ZNF362: variants seen among roughly 807,000 people sequenced by gnomAD.
ZNF362 encodes the protein zinc finger protein 362.
Under a neutral mutation model 42.9 loss-of-function variants are expected in ZNF362, and 11 were observed. The observed-to-expected ratio is 0.26, with a 90% confidence interval of 0.16 to 0.42. The LOEUF is 0.42. ZNF362 is among the 20% of genes least tolerant of loss of function. ZNF362 has a pLI of 1.00. For synonymous variants in ZNF362, 255 were observed against 257.3 expected (o/e 0.99, Z 0.09); for missense variants, 362 against 576.2 (o/e 0.63, Z 3.81).
chr1:33,179,252 G>A, the ZNF362 span, among the ~76,000 whole-genome samples: 1 of 152,260 alleles, frequency 6.6e-6, no homozygotes, highest in Admixed American at 6.5e-5. Context: ...CAGAGGCCCA[G>A]GCCCTTGCTC....
chr1:33,275,438 CGTT>C, intron 2 of ZNF362: 1 of 966,882 alleles, frequency 1.0e-6, no homozygotes, highest in Non-Finnish European at 1.2e-6. Flanking sequence ...TCATCCACGT[CGTT>C]GTAGGTCAGA....
At chr1:33,206,587 C>G in the ZNF362 span, among the ~76,000 whole-genome samples, 22 of 151,942 alleles carry the variant, frequency 1.4e-4, no homozygotes, top group South Asian at 4.6e-3. Flanking sequence ...TCTAGCCTGG[C>G]CAACACAGTG....
At chr1:33,196,971 C>G in the ZNF362 span, among the ~76,000 whole-genome samples, 1 of 152,190 alleles carries the variant, frequency 6.6e-6, no homozygotes, top group South Asian at 2.1e-4. Context: ...AGAGGAAGAC[C>G]CACCCTCAAT....
At chr1:33,190,322 C>T in the ZNF362 span, among the ~76,000 whole-genome samples, 1 of 152,314 alleles carries the variant, frequency 6.6e-6, no homozygotes, top group Non-Finnish European at 1.5e-5. Flanking sequence ...TCTGACTTTG[C>T]TGCCCATTAT....
intron 1 of ZNF362, among the ~76,000 whole-genome samples, chr1:33,265,652 T>TGGGAGCG (rs1645860328): frequency 6.6e-6 from 1 of 151,968 alleles, no homozygotes; most frequent in African/African-American, 2.4e-5. Flanking sequence ...GAGGCAAACT[T>TGGGAGCG]TGAGCGTGTC....
At chr1:33,225,567 C>T in the ZNF362 span, among the ~76,000 whole-genome samples, 7 of 152,132 alleles carry the variant, frequency 4.6e-5, no homozygotes, top group South Asian at 1.5e-3. Flanking sequence ...CTCCCTGTGT[C>T]TTTTATTGTA....
At chr1:33,246,465 C>T in the ZNF362 span, among the ~76,000 whole-genome samples, 1 of 152,216 alleles carries the variant, frequency 6.6e-6, no homozygotes, top group Non-Finnish European at 1.5e-5. Flanking sequence ...TCGATGTTCA[C>T]TCAGGCCATG....
the ZNF362 span, among the ~76,000 whole-genome samples, chr1:33,226,697 G>A: frequency 6.6e-6 from 1 of 152,048 alleles, no homozygotes; most frequent in African/African-American, 2.4e-5. Flanking sequence ...AAATCCCATC[G>A]CTACTAAAAA....
chr1:33,168,370 T>C, the ZNF362 span, among the ~76,000 whole-genome samples: 1 of 145,996 alleles, frequency 6.8e-6, no homozygotes, highest in Non-Finnish European at 1.5e-5. Context: ...GCTAGGAAGC[T>C]GGCTGTCTGA....
chr1:33,221,134 C>G, the ZNF362 span, among the ~76,000 whole-genome samples: 1 of 152,170 alleles, frequency 6.6e-6, no homozygotes, highest in Admixed American at 6.5e-5. Context: ...GAGGGCAAGA[C>G]CCGGTGTTTC....
chr1:33,181,713 G>T, the ZNF362 span: 1 of 487,562 alleles, frequency 2.1e-6, no homozygotes, highest in Non-Finnish European at 3.6e-6. The surrounding 1 kb of genome is among the most constrained non-coding windows in gnomAD (Gnocchi z 6.5). Context: ...AGCGGCTGAG[G>T]GACGGAGATC....
chr1:33,157,775 G>A, the ZNF362 span, among the ~76,000 whole-genome samples: 2,479 of 149,914 alleles, frequency 0.017, 26 homozygotes, highest in African/African-American at 0.033. Flanking sequence ...CTTTTTTTCC[G>A]AGATGGAGTC....
chr1:33,216,505 C>CA, the ZNF362 span, among the ~76,000 whole-genome samples: 3,173 of 126,224 alleles, frequency 0.025, 57 homozygotes, highest in Non-Finnish European at 0.039. Flanking sequence ...GAGGCTGAGA[C>CA]AGGAGAATCC....
At chr1:33,161,167 A>G in the ZNF362 span, among the ~76,000 whole-genome samples, 2 of 152,244 alleles carry the variant, frequency 1.3e-5, no homozygotes, top group Non-Finnish European at 2.9e-5. This position sits in a 1 kb window ranked among gnomAD's most constrained non-coding sequence, Gnocchi z 4.3. Context: ...AGGCGCAGAG[A>G]AAGAGCCTGG....
the ZNF362 span, among the ~76,000 whole-genome samples, chr1:33,129,800 A>C: frequency 6.6e-6 from 1 of 152,192 alleles, no homozygotes. The surrounding 1 kb of genome is among the most constrained non-coding windows in gnomAD (Gnocchi z 4.1). Flanking sequence ...GATGTTCCGA[A>C]GTATCAGCAA....
At chr1:33,181,105 G>T in the ZNF362 span, 1 of 1,600,038 alleles carries the variant, frequency 6.2e-7, no homozygotes, top group Non-Finnish European at 8.5e-7. The surrounding 1 kb of genome is among the most constrained non-coding windows in gnomAD (Gnocchi z 6.5). Flanking sequence ...AAGAAGCAGA[G>T]AAGCGCGCGG....
chr1:33,195,481 A>G, the ZNF362 span: 1 of 152,242 alleles, frequency 6.6e-6, no homozygotes, highest in Non-Finnish European at 1.5e-5. Flanking sequence ...CTGAAACATC[A>G]TAGAGGATAC....
At chr1:33,155,782 T>C in the ZNF362 span, among the ~76,000 whole-genome samples, 28,407 of 152,156 alleles carry the variant, frequency 0.19, 3,149 homozygotes, top group South Asian at 0.3. Flanking sequence ...ACACACAGGG[T>C]TCTCTGCTGC....
the ZNF362 span, among the ~76,000 whole-genome samples, chr1:33,190,458 T>C: frequency 6.6e-6 from 1 of 152,182 alleles, no homozygotes; most frequent in Admixed American, 6.5e-5. Context: ...CAACACAATA[T>C]AGAAGGGGCA....
Sources: allele counts gnomAD v4.1 joint callset (sites outside exome capture counted in the v4.1 genomes callset), GRCh38; gene constraint gnomAD v4.1.1; non-coding constraint Gnocchi (gnomAD v3.1); transcripts MANE v1.5; gene names NCBI Gene and HGNC (gene_info 2026-07-23, HGNC 2026-07-21).